MYO16: variants seen among roughly 807,000 people sequenced by gnomAD.
MYO16 encodes unconventional myosin-XVI.
MYO16 carries 94 observed loss-of-function variants against 205.3 expected under a neutral mutation model. The ratio of observed to expected loss-of-function variants is 0.46; its 90% CI spans 0.39 to 0.54. MYO16 has a LOEUF of 0.54. MYO16 is among the 20% of genes least tolerant of loss of function. The probability of loss-of-function intolerance (pLI) is 0.00; values close to 1 mark genes in which losing one functional copy is unlikely to be tolerated. For synonymous variants in MYO16, 988 were observed against 954.0 expected (o/e 1.04, Z -0.66); for missense variants, 2,315 against 2,387.5 (o/e 0.97, Z 0.63).
intron 23 of MYO16, among the ~76,000 whole-genome samples, chr13:109,026,382 T>C (rs976133374): frequency 5.9e-5 from 9 of 152,002 alleles, no homozygotes; most frequent in African/African-American, 2.2e-4. Flanking sequence ...GGGGGAGGTA[T>C]TGAAGCAGCC....
At chr13:108,677,348 TATATATGC>T (rs1250577899) in intron 2 of MYO16, among the ~76,000 whole-genome samples, 18 of 91,150 alleles carry the variant, frequency 2.0e-4, no homozygotes, top group African/African-American at 7.4e-4. Context: ...TATATATATA[TATATATGC>T]ATATATATAT....
chr13:109,185,454 T>C (rs925340994), intron 34 of MYO16, among the ~76,000 whole-genome samples: 5 of 152,194 alleles, frequency 3.3e-5, no homozygotes, highest in African/African-American at 1.2e-4. Context: ...TTCCTTTCTT[T>C]GCAGGGTCAA....
intron 34 of MYO16, among the ~76,000 whole-genome samples, chr13:109,190,304 G>T (rs937153385): frequency 6.6e-6 from 1 of 152,020 alleles, no homozygotes; most frequent in African/African-American, 2.4e-5. Context: ...TTTTCTGTAC[G>T]GATAACAATT....
the MYO16 span, among the ~76,000 whole-genome samples, chr13:108,497,962 G>A: frequency 1.3e-5 from 2 of 152,110 alleles, no homozygotes; most frequent in Non-Finnish European, 2.9e-5. Context: ...AATCTGTTGG[G>A]TGAAGCCACA....
At chr13:109,155,946 G>A (rs1877996244) in intron 32 of MYO16, among the ~76,000 whole-genome samples, 1 of 152,122 alleles carries the variant, frequency 6.6e-6, no homozygotes, top group South Asian at 2.1e-4. Context: ...TCATGGAAAG[G>A]AAAGAAAATT....
chr13:108,914,809 A>G (rs1296378139), intron 16 of MYO16, among the ~76,000 whole-genome samples: 1 of 151,962 alleles, frequency 6.6e-6, no homozygotes, highest in Non-Finnish European at 1.5e-5. Context: ...CATCTGGCTG[A>G]TTTTTGTATT....
intron 2 of MYO16, among the ~76,000 whole-genome samples, chr13:108,698,888 T>C (rs1319645491): frequency 6.6e-6 from 1 of 152,144 alleles, no homozygotes; most frequent in Non-Finnish European, 1.5e-5. Context: ...AATAATATCA[T>C]ACTTTCATCA....
At chr13:108,763,497 A>T (rs1885677505) in intron 4 of MYO16, among the ~76,000 whole-genome samples, 1 of 152,164 alleles carries the variant, frequency 6.6e-6, no homozygotes, top group Non-Finnish European at 1.5e-5. Flanking sequence ...AATGGTGATG[A>T]AGGAAATGAA....
intron 28 of MYO16, among the ~76,000 whole-genome samples, chr13:109,108,144 G>A (rs1427054275): frequency 6.6e-6 from 1 of 152,094 alleles, no homozygotes; most frequent in Non-Finnish European, 1.5e-5. Flanking sequence ...ACTTCCTGAG[G>A]ACAGGTGTCA....
chr13:109,065,195 G>T (rs1433920956), intron 27 of MYO16, among the ~76,000 whole-genome samples: 1 of 152,152 alleles, frequency 6.6e-6, no homozygotes, highest in East Asian at 1.9e-4. Context: ...AAAGAAGCTT[G>T]CAGCCTTCTT....
chr13:109,052,739 A>G (rs1294731843), intron 25 of MYO16, among the ~76,000 whole-genome samples: 1 of 152,010 alleles, frequency 6.6e-6, no homozygotes, highest in African/African-American at 2.4e-5. Context: ...GTTCTGTTTC[A>G]TCTCTGACTG....
chr13:109,111,207 A>G, intron 28 of MYO16, among the ~76,000 whole-genome samples: 1 of 152,342 alleles, frequency 6.6e-6, no homozygotes, highest in East Asian at 1.9e-4. Flanking sequence ...CTTGGAAGAG[A>G]TGACCTGGTA....
intron 1 of MYO16, among the ~76,000 whole-genome samples, chr13:108,663,032 G>A (rs1198203155): frequency 6.6e-6 from 1 of 152,156 alleles, no homozygotes; most frequent in Non-Finnish European, 1.5e-5. Flanking sequence ...CTTCTCCAGT[G>A]GGGGTGTGTG....
At chr13:108,716,900 A>G (rs919162743) in intron 3 of MYO16, among the ~76,000 whole-genome samples, 2 of 152,212 alleles carry the variant, frequency 1.3e-5, no homozygotes, top group African/African-American at 2.4e-5. Flanking sequence ...CAACAAATAC[A>G]TCTGAATTAA....
intron 2 of MYO16, among the ~76,000 whole-genome samples, chr13:108,700,459 G>A (rs1489327151): frequency 2.0e-5 from 3 of 151,874 alleles, no homozygotes; most frequent in Admixed American, 6.6e-5. Context: ...TCTCTTCCCC[G>A]GCTCTATAAT....
chr13:108,501,698 C>A, the MYO16 span, among the ~76,000 whole-genome samples: 1 of 152,202 alleles, frequency 6.6e-6, no homozygotes, highest in East Asian at 1.9e-4. Flanking sequence ...CTGTGTACAG[C>A]CTGTAAGCTA....
chr13:109,102,355 GAGATTTTGAATA>G (rs2139716892), intron 28 of MYO16, among the ~76,000 whole-genome samples: 1 of 152,176 alleles, frequency 6.6e-6, no homozygotes, highest in South Asian at 2.1e-4. Flanking sequence ...AATCATTACT[GAGATTTTGAATA>G]AGTAATTATA....
At position 109,055,157 on chromosome 13, in the gene MYO16, A is replaced by G; in HGVS notation, c.3129+31A>G. The G allele has an allele frequency of 2.7e-6, 4 of 1,507,398 alleles. No homozygotes were observed. The highest frequency in any genetic ancestry group is 2.7e-6 in the Non-Finnish European group (3 of 1,109,720). The allele number at this position is 1,507,398 out of a possible 1,614,324, so 93.4% of individuals were successfully genotyped here. A position where few individuals can be genotyped will look rare whatever the true frequency, so the allele number is the denominator to read the frequency against. Reference sequence around the variant, plus strand: ...TGACGTTTTCAGATTTCAAAAACTTAATGTATGTTTATAGCAACTAAAGAG... The same window carrying G: ...TGACGTTTTCAGATTTCAAAAACTTGATGTATGTTTATAGCAACTAAAGAG... On this transcript the variant is annotated intron_variant, in intron 26 of 34. Transcript: ENST00000457511. This position sits in a 1 kb window ranked among gnomAD's most constrained non-coding sequence, Gnocchi z 5.0.
intron 16 of MYO16, among the ~76,000 whole-genome samples, chr13:108,942,517 T>C (rs1882774143): frequency 6.6e-6 from 1 of 152,248 alleles, no homozygotes; most frequent in Non-Finnish European, 1.5e-5. Context: ...AAAACTCATA[T>C]TTTAAATATT....
Sources: allele counts gnomAD v4.1 joint callset (sites outside exome capture counted in the v4.1 genomes callset), GRCh38; gene constraint gnomAD v4.1.1; non-coding constraint Gnocchi (gnomAD v3.1); transcripts MANE v1.5; gene names NCBI Gene and HGNC (gene_info 2026-07-23, HGNC 2026-07-21).